Variants in PPP2R3C observed in about 807,000 individuals in gnomAD.
The protein encoded by PPP2R3C is serine/threonine-protein phosphatase 2A regulatory subunit B'' subunit gamma.
In PPP2R3C, 47 loss-of-function variants were observed where a neutral mutation model predicts 63.7. The ratio of observed to expected loss-of-function variants is 0.74; its 90% CI spans 0.58 to 0.94. The LOEUF is 0.94. Among genes scored for constraint, PPP2R3C ranks in the 40% least tolerant of loss-of-function variants. PPP2R3C has a pLI of 0.00. For missense variants in PPP2R3C, 421 were observed against 518.4 expected (o/e 0.81, Z 1.82); for synonymous variants, 180 against 177.4 (o/e 1.01, Z -0.12).
intron 12 of PPP2R3C, chr14:35,086,687 G>C (rs759325496): frequency 1.3e-5 from 2 of 151,690 alleles, no homozygotes. Context: ...CAGTAGAGAC[G>C]GGGTTTCTCC....
chr14:35,094,783 A>G (rs1355812152), intron 10 of PPP2R3C, among the ~76,000 whole-genome samples: 1 of 152,050 alleles, frequency 6.6e-6, no homozygotes, highest in Non-Finnish European at 1.5e-5. Context: ...GTGAAACCCC[A>G]TCTCTCCTAA....
intron 2 of PPP2R3C, among the ~76,000 whole-genome samples, chr14:35,112,340 C>G (rs554405273): frequency 2.0e-5 from 3 of 152,196 alleles, no homozygotes; most frequent in African/African-American, 7.2e-5. Context: ...TGGACTCAAG[C>G]AGTCCTCCCA....
At chr14:35,105,357 A>G (rs1406549347) in intron 6 of PPP2R3C, among the ~76,000 whole-genome samples, 1 of 151,588 alleles carries the variant, frequency 6.6e-6, no homozygotes, top group East Asian at 2.0e-4. Flanking sequence ...TAATTTTTGT[A>G]TTTTTAGTAG....
chr14:35,119,039 CTTT>C (rs34769087), intron 1 of PPP2R3C, among the ~76,000 whole-genome samples: 4 of 135,064 alleles, frequency 3.0e-5, no homozygotes, highest in Non-Finnish European at 4.8e-5. Flanking sequence ...GATCAAATGA[CTTT>C]TTTTTTTTTT....
At chr14:35,096,947 G>C (rs1322818842) in intron 7 of PPP2R3C, among the ~76,000 whole-genome samples, 183 bp from the exon 8 acceptor site, 3 of 152,166 alleles carry the variant, frequency 2.0e-5, no homozygotes, top group Non-Finnish European at 2.9e-5. Flanking sequence ...GGGCGCGGTG[G>C]CTCACCGCGT....
chr14:35,110,854 C>A, intron 2 of PPP2R3C: 1 of 451,108 alleles, frequency 2.2e-6, no homozygotes, highest in South Asian at 2.9e-5. Flanking sequence ...CTAGTCTAGA[C>A]CAAGTTTCAT....
intron 2 of PPP2R3C, among the ~76,000 whole-genome samples, chr14:35,111,077 A>C (rs188330537): frequency 3.2e-3 from 482 of 152,154 alleles, no homozygotes; most frequent in Non-Finnish European, 5.2e-3. Flanking sequence ...TCTACTAAAA[A>C]TACAAAAATT....
upstream of PPP2R3C, chr14:35,122,174 A>G (rs2046930510): frequency 1.8e-6 from 1 of 568,658 alleles, no homozygotes; most frequent in East Asian, 2.9e-5. Context: ...GGAAAAAACT[A>G]TGAAAGAGAT....
At chr14:35,095,679 A>C (rs1170743478) in intron 9 of PPP2R3C, among the ~76,000 whole-genome samples, 2 of 146,504 alleles carry the variant, frequency 1.4e-5, no homozygotes, top group Non-Finnish European at 1.5e-5. Flanking sequence ...TCTACTAAAA[A>C]AAAAAACAAA....
At chr14:35,121,076 G>C (rs745873629) in intron 1 of PPP2R3C, among the ~76,000 whole-genome samples, 1 of 152,064 alleles carries the variant, frequency 6.6e-6, no homozygotes, top group South Asian at 2.1e-4. Context: ...TAGTGGACTT[G>C]TATTAAAAGT....
chr14:35,091,050 C>G lies in PPP2R3C; in HGVS notation c.1113+20G>C, dbSNP rs756221086. The G allele has an allele frequency of 6.3e-7, 1 of 1,587,572 alleles. No individual in the cohort carries two copies. Among genetic ancestry groups the G allele is most frequent in the South Asian group, 1.1e-5 (1 of 89,316 alleles). ...ATATATCTTAAGGAACAATGACTCA[C>G]TTATGCAAATGAGACTTACCCTAAA... On this transcript the variant is annotated intron_variant, in intron 11 of 12. Coordinates refer to ENST00000261475, the MANE Select transcript of PPP2R3C (RefSeq NM_017917.4).
intron 2 of PPP2R3C, among the ~76,000 whole-genome samples, chr14:35,114,076 C>T (rs943192002): frequency 3.9e-5 from 6 of 152,160 alleles, no homozygotes. Flanking sequence ...ATTCCCTTCT[C>T]TCTCCCCTCG....
At chr14:35,114,128 G>A (rs1199079764) in intron 2 of PPP2R3C, among the ~76,000 whole-genome samples, 1 of 152,096 alleles carries the variant, frequency 6.6e-6, no homozygotes, top group Non-Finnish European at 1.5e-5. Flanking sequence ...TCTGTTTAAG[G>A]AGAGTGTGAA....
intron 12 of PPP2R3C, 100 bp from the exon 13 acceptor site, chr14:35,085,878 A>T (rs778139746): frequency 7.4e-6 from 7 of 951,712 alleles, no homozygotes; most frequent in Non-Finnish European, 9.0e-6. Flanking sequence ...TGAAGTACAG[A>T]GGAATAAAAT....
Position 35,107,812 on chromosome 14 carries a change from A to G in PPP2R3C, c.502+327T>C, listed in dbSNP as rs538601989. ...AACTGATATTACAGCTTTGGGTTTG[A>G]AACTATCAGTCAACTCAACTTGTAA... On this transcript the variant is annotated intron_variant, in intron 5 of 12. Transcript: ENST00000261475. 261 of 304,606 alleles carry G rather than the reference A, an allele frequency of 8.6e-4. 4 individuals carry two copies. The Admixed American group carries it at 0.016, about 19-fold the overall frequency. The allele number at this position is 304,606 out of a possible 1,614,324, so 18.9% of individuals were successfully genotyped here. A position where few individuals can be genotyped will look rare whatever the true frequency, so the allele number is the denominator to read the frequency against.
At chr14:35,086,950 A>C (rs1399457221) in intron 12 of PPP2R3C, 1 of 151,792 alleles carries the variant, frequency 6.6e-6, no homozygotes, top group Non-Finnish European at 1.5e-5. Context: ...GCCGTGTACC[A>C]CCACACCCGG....
chr14:35,087,958 T>A lies in PPP2R3C; in HGVS notation c.1166A>T (p.Asp389Val). 1 of 1,593,110 alleles carries A rather than the reference T, an allele frequency of 6.3e-7. No homozygotes were observed. The highest frequency in any genetic ancestry group is 8.6e-7 in the Non-Finnish European group (1 of 1,161,050). ...ATTAAAGGAAAAGATAACCTTGACA[T>A]CTTGAAATGAAACAGGATCTTGTCC... ...IHGQDPVSFQ[D>V]VKDEIFDMVK... The change falls in exon 12 of 13, where the codon GAT becomes GTT. Residue 389 changes from aspartate to valine, a missense_variant. Physicochemically the swap from Asp to Val is radical, Grantham distance 152. Around this residue, in one of 3 missense-constraint regions of PPP2R3C, gnomAD observed 231 missense variants for 264.8 expected, o/e 0.87. Transcript: ENST00000261475.
Position 35,099,310 on chromosome 14 carries a change from G to A in PPP2R3C, c.648C>T (p.Ser216=), listed in dbSNP as rs762160647. 10 of 1,603,960 alleles carry A rather than the reference G, an allele frequency of 6.2e-6. No homozygotes were observed. The South Asian group carries it at 1.0e-4, about 16-fold the overall frequency. ...QLDGLEKSFY[S]FYVCTAVRKF... is the part of the protein sequence containing the mutation. ...TCCTAACTGCTGTACAAACATAAAAGGAGTAGAAAGATTTTTCCAGACCAT... is the reference window on the plus strand; with the variant it reads ...TCCTAACTGCTGTACAAACATAAAAAGAGTAGAAAGATTTTTCCAGACCAT... Residue 216 remains serine, a synonymous_variant, in exon 7 of 13, where the codon TCC becomes TCT. Coordinates refer to ENST00000261475, the MANE Select transcript of PPP2R3C (RefSeq NM_017917.4).
chr14:35,110,639 C>G lies in PPP2R3C; in HGVS notation c.187-10G>C, dbSNP rs1162962329. 1 of 1,581,226 alleles carries G rather than the reference C, an allele frequency of 6.3e-7. No individual in the cohort carries two copies. The highest frequency in any genetic ancestry group is 8.6e-7 in the Non-Finnish European group (1 of 1,156,238). On this transcript the variant is annotated splice_polypyrimidine_tract_variant and intron_variant, in intron 2 of 12. Transcript: ENST00000261475. ...CATCTTCAGCAGGCAGCTGAAAATA[C>G]AAGGTAAATTTCTACATGTAAATTT... is the stretch of plus-strand genomic sequence containing the variant.
Sources: gnomAD v4.1 joint callset for allele counts (sites outside exome capture counted in the v4.1 genomes callset) on GRCh38, gnomAD v4.1.1 for gene constraint, gnomAD v4.1.1 regional missense constraint, MANE v1.5 for transcripts, NCBI Gene and HGNC (gene_info 2026-07-23, HGNC 2026-07-21) for gene names.